Variants in TSPAN18 observed in about 807,000 individuals in gnomAD.
The protein encoded by TSPAN18 is tetraspanin 18, also known as tetraspanin-18.
In TSPAN18, 14 loss-of-function variants were observed where a neutral mutation model predicts 27.3. The observed-to-expected ratio is 0.51, with a 90% CI of 0.34 to 0.80. The LOEUF (loss-of-function observed/expected upper bound fraction) is 0.80, where lower values mean the gene tolerates loss of function less well. TSPAN18 is among the 30% of genes least tolerant of loss of function. The pLI, the probability that TSPAN18 is intolerant of heterozygous loss-of-function variation, is 0.01. For synonymous variants in TSPAN18, 143 were observed against 136.5 expected (o/e 1.05, Z -0.33); for missense variants, 268 against 323.9 (o/e 0.83, Z 1.32).
intron 2 of TSPAN18, among the ~76,000 whole-genome samples, chr11:44,837,143 A>G (rs911503451): frequency 6.6e-6 from 1 of 152,264 alleles, no homozygotes; most frequent in African/African-American, 2.4e-5. Flanking sequence ...TGGGCAAAGT[A>G]TATTGAAAAC....
At chr11:44,763,161 A>G (rs1420602226) in intron 1 of TSPAN18, among the ~76,000 whole-genome samples, 1 of 152,166 alleles carries the variant, frequency 6.6e-6, no homozygotes, top group Non-Finnish European at 1.5e-5. Context: ...ATCATTCGAG[A>G]GACCTGAAAC....
At chr11:44,807,789 C>A (rs1333476512) in intron 2 of TSPAN18, among the ~76,000 whole-genome samples, 2 of 152,166 alleles carry the variant, frequency 1.3e-5, no homozygotes, top group African/African-American at 4.8e-5. Context: ...TCAGTTTCCT[C>A]ATCTGTAAAG....
At chr11:44,728,304 T>C (rs4755279) in intron 1 of TSPAN18, among the ~76,000 whole-genome samples, 134,592 of 152,262 alleles carry the variant, frequency 0.88, 60,968 homozygotes, top group Non-Finnish European at 0.99. Flanking sequence ...CAGAAAAAGA[T>C]GTAAGAAACT....
intron 2 of TSPAN18, among the ~76,000 whole-genome samples, chr11:44,796,683 C>A (rs1856357834): frequency 6.6e-6 from 1 of 152,138 alleles, no homozygotes. Flanking sequence ...ACAAGGATAG[C>A]CTCAGTCACA....
intron 1 of TSPAN18, among the ~76,000 whole-genome samples, chr11:44,753,468 C>T (rs1855259824): frequency 6.6e-6 from 1 of 152,198 alleles, no homozygotes; most frequent in South Asian, 2.1e-4. Flanking sequence ...TTGATCTGCT[C>T]ATAAACCCAG....
intron 1 of TSPAN18, among the ~76,000 whole-genome samples, chr11:44,759,101 G>T (rs564392161): frequency 6.6e-5 from 10 of 152,324 alleles, no homozygotes; most frequent in Middle Eastern, 6.8e-3. Context: ...AAATCAGGCA[G>T]TTTGCCTATC....
intron 1 of TSPAN18, among the ~76,000 whole-genome samples, chr11:44,731,598 G>GTA (rs1157810186): frequency 1.6e-5 from 1 of 60,938 alleles, no homozygotes; most frequent in African/African-American, 4.2e-5. Flanking sequence ...GGCCTGGATT[G>GTA]TGTGTGTGTG....
intron 4 of TSPAN18, among the ~76,000 whole-genome samples, chr11:44,907,072 C>T (rs1859480005): frequency 6.6e-6 from 1 of 152,204 alleles, no homozygotes; most frequent in African/African-American, 2.4e-5. Context: ...TTACAAAGTA[C>T]CCTGGATGTG....
At position 44,773,295 on chromosome 11, in the gene TSPAN18, A is replaced by T. The variant is rs146606632; in HGVS notation, c.-153+8783A>T. 8.3e-3 allele frequency among the ~76,000 whole-genome samples: 1,257 copies of T among 152,158 alleles called. 14 individuals carry two copies. The highest frequency in any genetic ancestry group is 0.029 in the African/African-American group (1,197 of 41,540). On this transcript the variant is annotated intron_variant, in intron 2 of 9. Transcript: ENST00000520358. ...GCCGGGCGTGGTGGCACATGCCTGT[A>T]ATCCCAGCTACTAGGGAGCCTGAGA... is the stretch of plus-strand genomic sequence containing the variant.
At chr11:44,731,374 C>G (rs2134790059) in intron 1 of TSPAN18, among the ~76,000 whole-genome samples, 2 of 152,294 alleles carry the variant, frequency 1.3e-5, no homozygotes, top group Middle Eastern at 6.8e-3. Flanking sequence ...ACCCCTGGTG[C>G]CTCCATTTCC....
At chr11:44,838,306 C>T (rs891323307) in intron 2 of TSPAN18, among the ~76,000 whole-genome samples, 1 of 152,106 alleles carries the variant, frequency 6.6e-6, no homozygotes, top group Non-Finnish European at 1.5e-5. Context: ...TGTAAAGGAA[C>T]TCCCCTTTAT....
At chr11:44,847,049 G>A (rs555185685) in intron 2 of TSPAN18, among the ~76,000 whole-genome samples, 25 of 152,314 alleles carry the variant, frequency 1.6e-4, no homozygotes, top group Admixed American at 5.9e-4. Context: ...CAGAGGAGCC[G>A]CTTGCTGTGG....
At chr11:44,882,771 G>A (rs556686371) in intron 3 of TSPAN18, among the ~76,000 whole-genome samples, 4 of 152,258 alleles carry the variant, frequency 2.6e-5, no homozygotes, top group East Asian at 1.9e-4. Flanking sequence ...GGGTGTGGCC[G>A]AGACACCAAG....
chr11:44,922,501 G>T (rs1860181469), intron 8 of TSPAN18, among the ~76,000 whole-genome samples: 2 of 152,192 alleles, frequency 1.3e-5, no homozygotes, highest in Admixed American at 6.5e-5. Flanking sequence ...TGGGGTGGGG[G>T]TGAGGTGTGC....
rs1855238708 is a variant in TSPAN18 at position 44,752,623 on chromosome 11, T to C, written c.-239-11803T>C. ...ATGCATACATATATCTCTATATAAA[T>C]GAGTATGTATTGTCAGTATAATTTA... On this transcript the variant is annotated intron_variant, in intron 1 of 9. Transcript: ENST00000520358. Among the ~76,000 whole-genome samples, 3 of 152,220 alleles carry C rather than the reference T, an allele frequency of 2.0e-5. No individual in the cohort carries two copies. The South Asian group carries it at 6.2e-4, about 32-fold the overall frequency.
At chr11:44,885,412 T>G (rs1454413233) in intron 3 of TSPAN18, among the ~76,000 whole-genome samples, 1 of 152,194 alleles carries the variant, frequency 6.6e-6, no homozygotes, top group East Asian at 1.9e-4. Context: ...GACTCCTTGC[T>G]TATCCCTGGG....
At chr11:44,901,938 T>A (rs1004928718) in intron 3 of TSPAN18, among the ~76,000 whole-genome samples, 1 of 152,290 alleles carries the variant, frequency 6.6e-6, no homozygotes. Flanking sequence ...TTCTGCGGAG[T>A]TGGCATGTGA....
chr11:44,814,811 G>A (rs57365203), intron 2 of TSPAN18, among the ~76,000 whole-genome samples: 27,604 of 152,168 alleles, frequency 0.18, 2,766 homozygotes, highest in South Asian at 0.38. Context: ...AAGTCTGATA[G>A]AGCAGGCTGC....
At chr11:44,912,936 TG>T (rs905906897) in intron 5 of TSPAN18, among the ~76,000 whole-genome samples, 5 of 151,254 alleles carry the variant, frequency 3.3e-5, no homozygotes, top group African/African-American at 1.2e-4. Flanking sequence ...GCATGGGGGT[TG>T]GGGGGGTTCT....
Sources: allele counts gnomAD v4.1 joint callset (sites outside exome capture counted in the v4.1 genomes callset), GRCh38; gene constraint gnomAD v4.1.1; transcripts MANE v1.5; gene names NCBI Gene and HGNC (gene_info 2026-07-23, HGNC 2026-07-21).